The following DAPP1 variants were observed in gnomAD, a reference collection of about 807,000 sequenced individuals.
DAPP1 encodes dual adaptor of phosphotyrosine and 3-phosphoinositides 1.
Under a neutral mutation model 41.5 loss-of-function variants are expected in DAPP1, and 20 were observed. The ratio of observed to expected loss-of-function variants is 0.48; its 90% CI spans 0.34 to 0.70. DAPP1 has a LOEUF of 0.70. DAPP1 is among the 30% of genes least tolerant of loss of function. DAPP1 has a pLI of 0.01. For synonymous variants in DAPP1, 113 were observed against 116.2 expected (o/e 0.97, Z 0.18); for missense variants, 233 against 333.4 (o/e 0.70, Z 2.35).
chr4:99,832,785 G>A (rs552454053), intron 1 of DAPP1, among the ~76,000 whole-genome samples: 4 of 152,180 alleles, frequency 2.6e-5, no homozygotes, highest in East Asian at 1.9e-4. Context: ...TGTTTTAAAC[G>A]CAAACTTCCA....
intron 3 of DAPP1, among the ~76,000 whole-genome samples, chr4:99,847,555 C>T (rs1022071461): frequency 5.3e-5 from 8 of 152,124 alleles, no homozygotes; most frequent in Admixed American, 2.0e-4. Flanking sequence ...GTCACCTTTA[C>T]GTAGTTCAGA....
rs773372795 is a variant in DAPP1, at chr4:99,866,624, T to C, written c.774+503T>C. 7 of 765,058 alleles carry C rather than the reference T, an allele frequency of 9.1e-6. No homozygotes were observed. In the South Asian group the frequency reaches 9.4e-5, roughly 10 times the overall value. 47.4% of individuals were successfully genotyped at this position (765,058 alleles called of 1,614,324 possible). A position where few individuals can be genotyped will look rare whatever the true frequency, so the allele number is the denominator to read the frequency against. On this transcript the variant is annotated intron_variant, in intron 8 of 8. Transcript: ENST00000512369. Reference sequence around the variant, plus strand: ...TCTCCCGAGGAGAAGACTGAGTGAGTACTTATAAAACTTCACCAATCTTCT... The same window carrying C: ...TCTCCCGAGGAGAAGACTGAGTGAGCACTTATAAAACTTCACCAATCTTCT...
Position 99,828,878 on chromosome 4 carries a change from C to T in DAPP1, c.102-6745C>T, listed in dbSNP as rs540486398. Among the ~76,000 whole-genome samples, 53 of 152,256 alleles carry T rather than the reference C, an allele frequency of 3.5e-4. No homozygotes were observed. In the Middle Eastern group the frequency reaches 0.01, roughly 29 times the overall value. On this transcript the variant is annotated intron_variant, in intron 1 of 8. Transcript: ENST00000512369. ...TCTTTTCTCTGTTGACTTTATCAGACTTGAGACATAATTATGGCAATGTGT... is the reference window on the plus strand; with the variant it reads ...TCTTTTCTCTGTTGACTTTATCAGATTTGAGACATAATTATGGCAATGTGT...
intron 1 of DAPP1, among the ~76,000 whole-genome samples, chr4:99,823,403 G>A (rs187134365): frequency 2.0e-4 from 30 of 152,250 alleles, no homozygotes; most frequent in Non-Finnish European, 7.4e-5. Flanking sequence ...TGTCAGCCAT[G>A]TACTACTACC....
At position 99,827,549 on chromosome 4, in the gene DAPP1, AAAAAC is replaced by A. The variant is rs1052328723; in HGVS notation, c.102-8064_102-8060del. On this transcript the variant is annotated intron_variant, in intron 1 of 8. Coordinates refer to ENST00000512369, the MANE Select transcript of DAPP1 (RefSeq NM_014395.3). ...CTACGTCTCAAAAAAAAAACAACAA[AAAAAC>A]AAAACAAAAAACACCATCACACTTA... 2.4e-3 allele frequency among the ~76,000 whole-genome samples: 300 copies of A among 124,180 alleles called. 19 individuals carry two copies. Among genetic ancestry groups the A allele is most frequent in the African/African-American group, 0.011 (282 of 26,518 alleles). 81.5% of individuals were successfully genotyped at this position (124,180 alleles called of 152,430 possible).
intron 4 of DAPP1, among the ~76,000 whole-genome samples, chr4:99,855,357 T>G (rs1054217846): frequency 6.6e-6 from 1 of 152,214 alleles, no homozygotes; most frequent in Non-Finnish European, 1.5e-5. Flanking sequence ...GTGTTCTTTA[T>G]CGGCAATAAA....
At chr4:99,820,470 C>T (rs1722735537) in intron 1 of DAPP1, among the ~76,000 whole-genome samples, 1 of 152,156 alleles carries the variant, frequency 6.6e-6, no homozygotes, top group African/African-American at 2.4e-5. Flanking sequence ...ATGATCTAGT[C>T]AGTTGTAACT....
At chr4:99,818,491 C>A (rs905422489) in intron 1 of DAPP1, among the ~76,000 whole-genome samples, 1 of 152,102 alleles carries the variant, frequency 6.6e-6, no homozygotes, top group Admixed American at 6.6e-5. Flanking sequence ...AATCCTAGAA[C>A]CCAGAGTCTA....
chr4:99,861,656 C>A, intron 5 of DAPP1, 31 bp downstream of exon 5: 1 of 1,559,062 alleles, frequency 6.4e-7, no homozygotes, highest in Non-Finnish European at 8.7e-7. Context: ...TCATGCCAGC[C>A]ACAGAAAAAA....
At chr4:99,870,207 T>G (rs532578462), downstream of DAPP1, 31 of 152,136 alleles carry the variant, frequency 2.0e-4, no homozygotes, top group Non-Finnish European at 3.8e-4. Flanking sequence ...TACAACTGAT[T>G]AATATCATAA....
chr4:99,818,891 T>C (rs1425849760), intron 1 of DAPP1, among the ~76,000 whole-genome samples: 4 of 152,198 alleles, frequency 2.6e-5, no homozygotes, highest in Admixed American at 1.3e-4. Context: ...TTTCAGTATC[T>C]CTGGGGATGG....
At chr4:99,847,883 G>GGCTCACT (rs1450798879) in intron 3 of DAPP1, among the ~76,000 whole-genome samples, 1 of 152,032 alleles carries the variant, frequency 6.6e-6, no homozygotes, top group African/African-American at 2.4e-5. Flanking sequence ...GCGCCATCTC[G>GGCTCACT]GCTCACTGCA....
At chr4:99,849,877 T>C (rs1455817535) in intron 3 of DAPP1, among the ~76,000 whole-genome samples, 1 of 152,204 alleles carries the variant, frequency 6.6e-6, no homozygotes, top group Non-Finnish European at 1.5e-5. Context: ...GAGAAGGATC[T>C]GACTGGCTGT....
downstream of DAPP1, among the ~76,000 whole-genome samples, chr4:99,872,160 C>A (rs963428897): frequency 3.3e-5 from 5 of 152,216 alleles, no homozygotes; most frequent in African/African-American, 1.2e-4. Context: ...ACAGAAAAAG[C>A]AAGATTGGAG....
rs75538103 is a variant in DAPP1, at chr4:99,866,538, T to C, written c.774+417T>C. On this transcript the variant is annotated intron_variant, in intron 8 of 8. Coordinates refer to ENST00000512369, the MANE Select transcript of DAPP1 (RefSeq NM_014395.3). ...GAGGCACTTAGCTTAGTTTCCAATG[T>C]AAGCATCACTTTGTGCAGGTCAAGG... The C allele has an allele frequency of 1.1e-3, 850 of 765,432 alleles. 12 individuals are homozygous for C. In the East Asian group the frequency reaches 0.02, roughly 18 times the overall value. 47.4% of individuals were successfully genotyped at this position (765,432 alleles called of 1,614,324 possible).
chr4:99,850,201 C>T (rs1157291124), intron 3 of DAPP1, among the ~76,000 whole-genome samples: 1 of 152,116 alleles, frequency 6.6e-6, no homozygotes, highest in Admixed American at 6.5e-5. Flanking sequence ...CCTGAGGTCA[C>T]GAGTTCGAGA....
At chr4:99,823,020 A>G (rs902999066) in intron 1 of DAPP1, among the ~76,000 whole-genome samples, 2 of 152,198 alleles carry the variant, frequency 1.3e-5, no homozygotes, top group Non-Finnish European at 2.9e-5. Flanking sequence ...AAATGTTTAT[A>G]ACTTTAAAAA....
At chr4:99,871,839 TAA>T (rs1221127301), downstream of DAPP1, among the ~76,000 whole-genome samples, 1 of 152,204 alleles carries the variant, frequency 6.6e-6, no homozygotes, top group Non-Finnish European at 1.5e-5. Context: ...CAGCAAAATC[TAA>T]AAGAGCTATT....
At chr4:99,852,583 C>G (rs555736431) in intron 3 of DAPP1, among the ~76,000 whole-genome samples, 1 of 152,294 alleles carries the variant, frequency 6.6e-6, no homozygotes, top group South Asian at 2.1e-4. Context: ...TTGTGAGCAC[C>G]AGCTTGTTCA....
Sources: gnomAD v4.1 joint callset for allele counts (sites outside exome capture counted in the v4.1 genomes callset) on GRCh38, gnomAD v4.1.1 for gene constraint, MANE v1.5 for transcripts, NCBI Gene and HGNC (gene_info 2026-07-23, HGNC 2026-07-21) for gene names.